Variants in ROBO2 observed in about 807,000 individuals in gnomAD.
ROBO2 encodes roundabout guidance receptor 2.
A neutral mutation model predicts 160.8 loss-of-function variants in ROBO2; 53 were observed. The observed-to-expected ratio is 0.33, with a 90% confidence interval of 0.26 to 0.41. The LOEUF is 0.41. ROBO2 is among the 10% of genes least tolerant of loss of function. The pLI is 1.00. For synonymous variants in ROBO2, 664 were observed against 611.7 expected (o/e 1.09, Z -1.26); for missense variants, 1,577 against 1,722.4 (o/e 0.92, Z 1.49).
intron 1 of ROBO2, among the ~76,000 whole-genome samples, chr3:77,050,702 G>A (rs2065144162): frequency 6.7e-6 from 1 of 149,984 alleles, no homozygotes; most frequent in Non-Finnish European, 1.5e-5. Context: ...AATTTCAAGA[G>A]TTAAACAATA....
intron 2 of ROBO2, among the ~76,000 whole-genome samples, chr3:76,407,524 A>G (rs7630184): frequency 0.21 from 32,566 of 151,704 alleles, 4,347 homozygotes; most frequent in African/African-American, 0.38. Context: ...GGGAAAAAAT[A>G]CCCATGTGAA....
chr3:77,036,452 A>T (rs985528703), upstream of ROBO2, among the ~76,000 whole-genome samples: 9 of 151,992 alleles, frequency 5.9e-5, no homozygotes, highest in African/African-American at 2.2e-4. Context: ...TCTGGTATGA[A>T]AAAAGAAATA....
intron 2 of ROBO2, among the ~76,000 whole-genome samples, chr3:76,796,973 G>A (rs1343212172): frequency 6.6e-6 from 1 of 152,106 alleles, no homozygotes; most frequent in Non-Finnish European, 1.5e-5. Context: ...GCTAAAGAGA[G>A]AGACAGATGT....
intron 2 of ROBO2, among the ~76,000 whole-genome samples, chr3:77,476,383 T>C (rs2084009041): frequency 6.7e-6 from 1 of 149,800 alleles, no homozygotes. Context: ...TGTGTGTGTG[T>C]GTGTGTGTGT....
At chr3:76,426,406 CTG>C (rs1194496333) in intron 2 of ROBO2, among the ~76,000 whole-genome samples, 2 of 152,050 alleles carry the variant, frequency 1.3e-5, no homozygotes, top group East Asian at 1.9e-4. Flanking sequence ...GATTGGAACT[CTG>C]TGGAAATATG....
intron 2 of ROBO2, among the ~76,000 whole-genome samples, chr3:76,121,143 A>G (rs2070736762): frequency 6.6e-6 from 1 of 152,156 alleles, no homozygotes; most frequent in Non-Finnish European, 1.5e-5. Flanking sequence ...TGGTTATACT[A>G]CTAAGGGTCA....
chr3:77,045,731 T>C (rs1477008309), intron 1 of ROBO2, among the ~76,000 whole-genome samples: 1 of 152,202 alleles, frequency 6.6e-6, no homozygotes, highest in Non-Finnish European at 1.5e-5. Flanking sequence ...CTTTAAAATG[T>C]TCTTAATTAC....
chr3:76,617,318 T>G (rs1040673305), intron 2 of ROBO2, among the ~76,000 whole-genome samples: 1 of 152,052 alleles, frequency 6.6e-6, no homozygotes, highest in Admixed American at 6.5e-5. Context: ...GACTTGTGAT[T>G]TGTCTTGAAT....
chr3:77,328,077 A>C (rs923993770), intron 2 of ROBO2, among the ~76,000 whole-genome samples: 1 of 145,880 alleles, frequency 6.9e-6, no homozygotes, highest in Non-Finnish European at 1.5e-5. Flanking sequence ...AAAAAAAAAA[A>C]AAAGAAAAGA....
chr3:76,410,927 G>C (rs183379373), intron 2 of ROBO2, among the ~76,000 whole-genome samples: 3 of 152,104 alleles, frequency 2.0e-5, no homozygotes, highest in Admixed American at 2.0e-4. Context: ...AGAAAAAACT[G>C]TTGTCATGGC....
rs1350972280 is a variant in ROBO2 at position 77,493,397 on chromosome 3, T to C, written c.806+15T>C. The C allele has an allele frequency of 1.9e-6, 3 of 1,613,488 alleles. No homozygotes were observed. Among genetic ancestry groups the C allele is most frequent in the Non-Finnish European group, 2.5e-6 (3 of 1,179,648 alleles). On this transcript the variant is annotated intron_variant, in intron 5 of 25. Transcript: ENST00000461745. ...CCAAGAGGAAGGTAAGACCAACATA[T>C]GGATGGAAGATTGTTAGATAACCAA...
chr3:76,272,948 TATATA>T lies in ROBO2; in HGVS notation c.109+335352_109+335356del, dbSNP rs1442220085. ...TATATTTATATATAAATATATAAAA[TATATA>T]ATATATATTTATATATAAAATATAT... On this transcript the variant is annotated intron_variant, in intron 2 of 26. Transcript: ENST00000487694. 3.0e-3 allele frequency among the ~76,000 whole-genome samples: 75 copies of T among 25,046 alleles called. 1 individual carries two copies. The highest frequency in any genetic ancestry group is 5.5e-3 in the African/African-American group (73 of 13,324). 16.4% of individuals were successfully genotyped at this position (25,046 alleles called of 152,430 possible).
At chr3:77,590,549 T>C (rs2094155505) in intron 17 of ROBO2, among the ~76,000 whole-genome samples, 1 of 152,146 alleles carries the variant, frequency 6.6e-6, no homozygotes, top group Non-Finnish European at 1.5e-5. Context: ...TCATATGAAA[T>C]ATAAGGAAGA....
chr3:77,579,671 G>A (rs1209983761), intron 15 of ROBO2, among the ~76,000 whole-genome samples: 1 of 152,158 alleles, frequency 6.6e-6, no homozygotes, highest in African/African-American at 2.4e-5. Context: ...TACTCACTAT[G>A]AGCATGCAGT....
intron 2 of ROBO2, among the ~76,000 whole-genome samples, chr3:76,199,102 T>C (rs1441137550): frequency 1.3e-5 from 2 of 152,174 alleles, no homozygotes; most frequent in Non-Finnish European, 2.9e-5. Context: ...CCTCAGTTCT[T>C]TTGCAACAGG....
intron 2 of ROBO2, among the ~76,000 whole-genome samples, chr3:76,282,957 G>A (rs1334929943): frequency 6.7e-6 from 1 of 149,914 alleles, no homozygotes; most frequent in African/African-American, 2.4e-5. Context: ...ATTACAGATT[G>A]AGATATTTTT....
chr3:76,489,602 A>C (rs2079701852), intron 2 of ROBO2, among the ~76,000 whole-genome samples: 1 of 152,184 alleles, frequency 6.6e-6, no homozygotes, highest in Non-Finnish European at 1.5e-5. Context: ...GAATAATTAA[A>C]AAATTATTTT....
chr3:76,653,608 CA>C (rs1394981259), intron 2 of ROBO2, among the ~76,000 whole-genome samples: 1 of 151,908 alleles, frequency 6.6e-6, no homozygotes, highest in Non-Finnish European at 1.5e-5. Flanking sequence ...CAGAGTTCAT[CA>C]GTGAAACTGC....
intron 2 of ROBO2, among the ~76,000 whole-genome samples, chr3:76,936,600 T>C (rs542224272): frequency 7.3e-5 from 11 of 151,714 alleles, no homozygotes; most frequent in Non-Finnish European, 1.6e-4. Context: ...ACATTACAAT[T>C]ACCACTAACA....
Sources: allele counts gnomAD v4.1 joint callset (sites outside exome capture counted in the v4.1 genomes callset), GRCh38; gene constraint gnomAD v4.1.1; transcripts MANE v1.5; gene names NCBI Gene and HGNC (gene_info 2026-07-23, HGNC 2026-07-21).